Variants in TGFBR3 observed in about 807,000 individuals in gnomAD.
TGFBR3 encodes the protein transforming growth factor beta receptor 3.
Under a neutral mutation model 87.9 loss-of-function variants are expected in TGFBR3, and 46 were observed. That is an observed-to-expected ratio of 0.52 (90% CI 0.41 to 0.67). The LOEUF (loss-of-function observed/expected upper bound fraction) is 0.67, where lower values mean the gene tolerates loss of function less well. TGFBR3 is among the 30% of genes least tolerant of loss of function. The pLI, the probability that TGFBR3 is intolerant of heterozygous loss-of-function variation, is 0.00. For missense variants in TGFBR3, 866 were observed against 1,041.9 expected (o/e 0.83, Z 2.32); for synonymous variants, 381 against 391.6 (o/e 0.97, Z 0.32).
chr1:91,880,888 A>C (rs895851197), intron 1 of TGFBR3, among the ~76,000 whole-genome samples: 5 of 149,646 alleles, frequency 3.3e-5, no homozygotes, highest in African/African-American at 1.2e-4. Context: ...ATATAGTTAT[A>C]GATTATATAT....
At chr1:91,782,889 T>C (rs1249055903) in intron 3 of TGFBR3, among the ~76,000 whole-genome samples, 1 of 152,068 alleles carries the variant, frequency 6.6e-6, no homozygotes, top group Non-Finnish European at 1.5e-5. Context: ...AAGACATCGA[T>C]GCAGCTTCCA....
intron 3 of TGFBR3, among the ~76,000 whole-genome samples, chr1:91,763,430 A>G (rs1674046943): frequency 6.6e-6 from 1 of 152,210 alleles, no homozygotes; most frequent in Admixed American, 6.5e-5. Flanking sequence ...CTACCAGGGA[A>G]ACTCTTATTA....
At chr1:91,797,909 G>C (rs1259326650) in intron 2 of TGFBR3, among the ~76,000 whole-genome samples, 1 of 152,140 alleles carries the variant, frequency 6.6e-6, no homozygotes, top group East Asian at 1.9e-4. Context: ...CCCTTTATTA[G>C]GGAAAGCAAA....
chr1:91,833,116 G>A (rs1280415932), intron 2 of TGFBR3, among the ~76,000 whole-genome samples: 4 of 151,096 alleles, frequency 2.6e-5, no homozygotes, highest in Non-Finnish European at 5.9e-5. Flanking sequence ...CCAACATAGC[G>A]AAACCCCGTC....
intron 2 of TGFBR3, among the ~76,000 whole-genome samples, chr1:91,805,934 C>T (rs1176471812): frequency 6.6e-6 from 1 of 152,188 alleles, no homozygotes; most frequent in East Asian, 1.9e-4. Context: ...CCAGACTTTT[C>T]CCCTGGCAGA....
At chr1:91,874,870 A>G (rs1044337167) in intron 1 of TGFBR3, among the ~76,000 whole-genome samples, 3 of 152,208 alleles carry the variant, frequency 2.0e-5, no homozygotes, top group African/African-American at 7.2e-5. Flanking sequence ...GGTGGGAACT[A>G]GGCTGCAGAG....
chr1:91,800,253 T>TAC lies in TGFBR3; in HGVS notation c.62-2783_62-2782insGT, dbSNP rs751843838. 7.9e-4 allele frequency among the ~76,000 whole-genome samples: 105 copies of TAC among 132,322 alleles called. 1 individual carries two copies. The highest frequency in any genetic ancestry group is 2.4e-3 in the African/African-American group (77 of 31,764). 86.8% of individuals were successfully genotyped at this position (132,322 alleles called of 152,430 possible). On this transcript the variant is annotated intron_variant, in intron 2 of 16. Coordinates refer to ENST00000212355, the MANE Select transcript of TGFBR3 (RefSeq NM_003243.5). ...CAAAAAAAAAAAAAATATATATATA[T>TAC]ATACACACACACACACACACACACA...
intron 3 of TGFBR3, among the ~76,000 whole-genome samples, chr1:91,779,688 T>G (rs1021796606): frequency 3.3e-5 from 5 of 152,160 alleles, no homozygotes; most frequent in African/African-American, 1.2e-4. Flanking sequence ...TTTACAGAGC[T>G]GGGGAACACA....
At chr1:91,898,043 TTA>T (rs779518116) in intron 2 of TGFBR3, among the ~76,000 whole-genome samples, 5 of 8,436 alleles carry the variant, frequency 5.9e-4, no homozygotes, top group Non-Finnish European at 3.8e-3. Flanking sequence ...TGTTTTCAAT[TTA>T]AAAAAAAAAA....
chr1:91,856,313 G>A (rs889898997), intron 2 of TGFBR3, among the ~76,000 whole-genome samples: 3 of 152,190 alleles, frequency 2.0e-5, no homozygotes, highest in Non-Finnish European at 2.9e-5. Flanking sequence ...TAATCTGCCC[G>A]CCTCGGCCTC....
At position 91,717,689 on chromosome 1, in the gene TGFBR3, T is replaced by TAAA. The variant is rs199786596; in HGVS notation, c.1567-984_1567-982dup. ...AAAGGGAGTAGGATGGGAAGAAAAT[T>TAAA]AAAAAAAAAAAACAAACTGCCTTTC... On this transcript the variant is annotated intron_variant, in intron 10 of 16. Coordinates refer to ENST00000212355, the MANE Select transcript of TGFBR3 (RefSeq NM_003243.5). Among the ~76,000 whole-genome samples, 239 of 136,172 alleles carry TAAA rather than the reference T, an allele frequency of 1.8e-3. 2 individuals carry two copies. The highest frequency in any genetic ancestry group is 0.012 in the South Asian group (49 of 4,136). The allele number at this position is 136,172 out of a possible 152,430, so 89.3% of individuals were successfully genotyped here.
chr1:91,739,723 G>A (rs1673087194), intron 4 of TGFBR3, among the ~76,000 whole-genome samples: 2 of 152,142 alleles, frequency 1.3e-5, no homozygotes, highest in South Asian at 4.1e-4. Flanking sequence ...TTCTCACACT[G>A]CTATAAAAAA....
intron 1 of TGFBR3, among the ~76,000 whole-genome samples, chr1:91,884,408 G>C (rs1439441924): frequency 1.3e-5 from 2 of 152,022 alleles, no homozygotes; most frequent in African/African-American, 4.8e-5. Flanking sequence ...AACTTTAATT[G>C]GGCACCCTCA....
chr1:91,747,031 C>CA (rs1255500096), intron 4 of TGFBR3, among the ~76,000 whole-genome samples: 1 of 152,188 alleles, frequency 6.6e-6, no homozygotes, highest in African/African-American at 2.4e-5. Flanking sequence ...TTCCTAAGTG[C>CA]ATGTCACATG....
chr1:91,719,789 C>CATTTCAAAATGAAAGAGATAG, intron 9 of TGFBR3, 104 bp downstream of exon 9: 1 of 1,296,942 alleles, frequency 7.7e-7, no homozygotes, highest in South Asian at 1.2e-5. Flanking sequence ...ATCAAGCCTC[C>CATTTCAAAATGAAAGAGATAG]GGAGTTCAAA....
chr1:91,787,065 G>A (rs1489628887), intron 3 of TGFBR3, among the ~76,000 whole-genome samples: 2 of 152,154 alleles, frequency 1.3e-5, no homozygotes, highest in Non-Finnish European at 2.9e-5. Context: ...CACTTTGGGA[G>A]GCTGAGACAG....
Position 91,695,704 on chromosome 1 carries a change from G to A in TGFBR3, c.2405C>T (p.Thr802Met), listed in dbSNP as rs751027246. The A allele has an allele frequency of 1.4e-5, 22 of 1,613,994 alleles. No individual in the cohort carries two copies. Among genetic ancestry groups the A allele is most frequent in the Middle Eastern group, 1.6e-4 (1 of 6,084 alleles). ...AGAATAGATGTACCACAAGGCCCCC[G>A]TCAGGAGTGCTCCGATCACAAAGGC... ...FAAFVIGALL[T>M]GALWYIYSHT... The change falls in exon 16 of 17, where the codon ACG (threonine) becomes ATG (methionine). Residue 802 changes from threonine to methionine, a missense_variant. Coordinates refer to ENST00000212355, the MANE Select transcript of TGFBR3 (RefSeq NM_003243.5).
intron 2 of TGFBR3, among the ~76,000 whole-genome samples, chr1:91,847,269 A>G (rs1283449224): frequency 1.3e-5 from 2 of 152,146 alleles, no homozygotes; most frequent in Non-Finnish European, 2.9e-5. Flanking sequence ...CTTCTAAAAA[A>G]TGTTAATTTT....
intron 2 of TGFBR3, among the ~76,000 whole-genome samples, chr1:91,804,375 C>T (rs186218763): frequency 6.6e-6 from 1 of 152,294 alleles, no homozygotes; most frequent in Admixed American, 6.5e-5. Flanking sequence ...TCTATCTCTC[C>T]GTTGGCACAC....
Sources: gnomAD v4.1 joint callset for allele counts (sites outside exome capture counted in the v4.1 genomes callset) on GRCh38, gnomAD v4.1.1 for gene constraint, MANE v1.5 for transcripts, NCBI Gene and HGNC (gene_info 2026-07-23, HGNC 2026-07-21) for gene names.